STK33: variants seen among roughly 807,000 people sequenced by gnomAD.
STK33 encodes the protein serine/threonine-protein kinase 33.
STK33 carries 52 observed loss-of-function variants against 58.0 expected under a neutral mutation model. The observed-to-expected ratio is 0.90, with a 90% CI of 0.72 to 1.13. The LOEUF is 1.13. Among genes scored for constraint, STK33 ranks in the 50% most tolerant of loss-of-function variants. The pLI is 0.00. For synonymous variants in STK33, 215 were observed against 200.1 expected (o/e 1.07, Z -0.63); for missense variants, 630 against 604.2 (o/e 1.04, Z -0.45).
chr11:8,518,216 C>G (rs1353684503), intron 1 of STK33, among the ~76,000 whole-genome samples: 1 of 152,102 alleles, frequency 6.6e-6, no homozygotes, highest in African/African-American at 2.4e-5. Flanking sequence ...AATTTTCAAC[C>G]CAGAATTTCA....
intron 8 of STK33, among the ~76,000 whole-genome samples, chr11:8,460,635 A>G (rs1192118871): frequency 2.6e-5 from 4 of 152,136 alleles, no homozygotes; most frequent in Non-Finnish European, 5.9e-5. Context: ...AATAGCCCCC[A>G]ATTTCCTAAA....
chr11:8,533,726 C>A (rs1398042935), intron 1 of STK33, among the ~76,000 whole-genome samples: 5 of 152,036 alleles, frequency 3.3e-5, no homozygotes, highest in South Asian at 2.1e-4. Context: ...AAATAAAGAC[C>A]CCCAAGAATT....
downstream of STK33, among the ~76,000 whole-genome samples, chr11:8,388,383 C>A (rs188467771): frequency 5.3e-5 from 8 of 152,346 alleles, no homozygotes; most frequent in African/African-American, 1.9e-4. Context: ...GCCGCAGATG[C>A]GGCCTCGCTT....
In STK33 at chr11:8,541,229, C is replaced by A. The variant is rs535329304; in HGVS notation, c.-466+52854G>T. On this transcript the variant is annotated intron_variant, in intron 1 of 15. Transcript: ENST00000687296. ...ATGAACATATTATTTAAAAACTGACCTAATTTACTAATAAAAGAACAAGAG... is the reference window on the plus strand; with the variant it reads ...ATGAACATATTATTTAAAAACTGACATAATTTACTAATAAAAGAACAAGAG... 9.9e-5 allele frequency among the ~76,000 whole-genome samples: 15 copies of A among 152,000 alleles called. No individual in the cohort carries two copies. The South Asian group carries it at 1.9e-3, about 19-fold the overall frequency.
At chr11:8,417,214 T>C (rs1396961552) in intron 14 of STK33, among the ~76,000 whole-genome samples, 3 of 152,158 alleles carry the variant, frequency 2.0e-5, no homozygotes, top group African/African-American at 7.2e-5. Context: ...GCAGTAGCAA[T>C]AGTTTGATCA....
At chr11:8,476,094 G>GT (rs762244084) in intron 4 of STK33, among the ~76,000 whole-genome samples, 16 of 152,240 alleles carry the variant, frequency 1.1e-4, no homozygotes, top group Admixed American at 3.3e-4. Flanking sequence ...ATTGCTAGTA[G>GT]TTTACCTAAA....
chr11:8,484,061 T>C (rs899462856), intron 1 of STK33, among the ~76,000 whole-genome samples: 1 of 152,230 alleles, frequency 6.6e-6, no homozygotes, highest in African/African-American at 2.4e-5. Context: ...CAATTTTACA[T>C]CTATTTTTCA....
intron 1 of STK33, among the ~76,000 whole-genome samples, chr11:8,484,883 G>A (rs1411378927): frequency 1.3e-5 from 2 of 152,116 alleles, no homozygotes; most frequent in African/African-American, 4.8e-5. Context: ...ATAAGCCTTA[G>A]GCATGTTATT....
intron 15 of STK33, among the ~76,000 whole-genome samples, chr11:8,398,642 C>T (rs1278926614): frequency 2.0e-5 from 3 of 152,038 alleles, no homozygotes; most frequent in African/African-American, 7.2e-5. Context: ...AGGCTAAATG[C>T]TCCAATTAAA....
Position 8,436,084 on chromosome 11 carries a change from T to G in STK33, c.1003A>C (p.Ile335Leu). ...ASSEEKLFEL[I>L]RKGELHFENA... ...TCAAAATGTAGTTCTCCTTTTCTTA[T>G]TAACTCAAAAAGCTTCTCTTCTGAG... is the stretch of plus-strand genomic sequence containing the variant. The change falls in exon 13 of 16, where the codon ATA becomes CTA. Residue 335 changes from isoleucine to leucine, a missense_variant. Physicochemically the swap from Ile to Leu is conservative, Grantham distance 5. Coordinates refer to ENST00000687296, the MANE Select transcript of STK33 (RefSeq NM_001352389.2). 6.3e-7 allele frequency: 1 copy of G among 1,597,928 alleles called. No homozygotes were observed. Among genetic ancestry groups the G allele is most frequent in the African/African-American group, 1.3e-5 (1 of 74,694 alleles).
chr11:8,576,775 C>T (rs1006116323), intron 1 of STK33, among the ~76,000 whole-genome samples: 2 of 152,134 alleles, frequency 1.3e-5, no homozygotes, highest in African/African-American at 4.8e-5. Flanking sequence ...TAATAAATGA[C>T]AGAGACAGGC....
chr11:8,546,374 G>A (rs927541233), intron 1 of STK33, among the ~76,000 whole-genome samples: 3 of 152,120 alleles, frequency 2.0e-5, no homozygotes, highest in South Asian at 2.1e-4. Flanking sequence ...TTCACACAAT[G>A]TGTAATGATC....
intron 1 of STK33, among the ~76,000 whole-genome samples, chr11:8,519,100 T>A (rs992899599): frequency 1.1e-4 from 16 of 152,192 alleles, no homozygotes; most frequent in African/African-American, 3.9e-4. Flanking sequence ...AGTAAAGCAC[T>A]CCTTAGCAAA....
chr11:8,566,235 T>G (rs756488478), intron 1 of STK33, among the ~76,000 whole-genome samples: 3 of 152,236 alleles, frequency 2.0e-5, no homozygotes, highest in Non-Finnish European at 4.4e-5. Context: ...AGCTTCTAAA[T>G]AGACCCTCAG....
chr11:8,454,740 T>C lies in STK33; in HGVS notation c.786+4A>G, dbSNP rs2137017397. 6 of 1,566,942 alleles carry C rather than the reference T, an allele frequency of 3.8e-6. No individual in the cohort carries two copies. The highest frequency in any genetic ancestry group is 5.2e-6 in the Non-Finnish European group (6 of 1,155,938). On this transcript the variant is annotated splice_donor_region_variant and intron_variant, in intron 10 of 15. Transcript: ENST00000687296. Reference sequence around the variant, plus strand: ...CAAATATTTACCACCATTGCTAATCTTACCTTTATGTTTAAGTTTATTTCA... The same window carrying C: ...CAAATATTTACCACCATTGCTAATCCTACCTTTATGTTTAAGTTTATTTCA...
chr11:8,474,412 T>C (rs1035580577), intron 5 of STK33, among the ~76,000 whole-genome samples: 7 of 152,080 alleles, frequency 4.6e-5, no homozygotes, highest in African/African-American at 1.5e-4. Context: ...ACCAATTCAT[T>C]TCTGTATAAA....
chr11:8,478,524 G>C (rs548454596), intron 2 of STK33, among the ~76,000 whole-genome samples: 1 of 152,164 alleles, frequency 6.6e-6, no homozygotes, highest in African/African-American at 2.4e-5. Context: ...GAAAATCCCT[G>C]GGCTTTAATT....
intron 1 of STK33, among the ~76,000 whole-genome samples, chr11:8,493,467 C>A (rs57772413): frequency 0.097 from 14,717 of 152,076 alleles, 1,706 homozygotes; most frequent in African/African-American, 0.28. Context: ...AGCCTACCAA[C>A]CAAAAAATGT....
At chr11:8,586,555 G>A (rs570674230) in intron 1 of STK33, among the ~76,000 whole-genome samples, 4 of 152,180 alleles carry the variant, frequency 2.6e-5, no homozygotes, top group African/African-American at 9.6e-5. Context: ...TGGACACAGT[G>A]GCTCACACCT....
Sources: allele counts gnomAD v4.1 joint callset (sites outside exome capture counted in the v4.1 genomes callset), GRCh38; gene constraint gnomAD v4.1.1; transcripts MANE v1.5; gene names NCBI Gene and HGNC (gene_info 2026-07-23, HGNC 2026-07-21).